EFNA5: variants seen among roughly 807,000 people sequenced by gnomAD.
EFNA5 encodes ephrin-A5.
A neutral mutation model predicts 22.9 loss-of-function variants in EFNA5; 5 were observed. The ratio of observed to expected loss-of-function variants is 0.22; its 90% confidence interval spans 0.11 to 0.46. The LOEUF (loss-of-function observed/expected upper bound fraction) is 0.46, where lower values mean the gene tolerates loss of function less well. Ranked by LOEUF, EFNA5 falls within the 20% of genes least tolerant of loss-of-function variation. The pLI is 0.99. For missense variants in EFNA5, 237 were observed against 293.3 expected, an observed-to-expected ratio of 0.81 and a Z score of 1.40; for synonymous variants, 113 against 112.2, an observed-to-expected ratio of 1.01 and a Z score of -0.04.
rs558642579 is a variant in EFNA5, at chr5:107,598,655, T to C, written c.125+71834A>G. ...ACAGATAAACATACAGGTGGTCTTA[T>C]AAAGGTCAGAATTCAGAATCAGAAT... On this transcript the variant is annotated intron_variant, in intron 1 of 4. Transcript: ENST00000333274. Among the ~76,000 whole-genome samples the C allele has an allele frequency of 6.6e-5, 10 of 152,296 alleles. 1 individual carries two copies. The South Asian group carries it at 1.9e-3, about 28-fold the overall frequency.
At chr5:107,620,477 A>G (rs987458855) in intron 1 of EFNA5, among the ~76,000 whole-genome samples, 5 of 152,222 alleles carry the variant, frequency 3.3e-5, no homozygotes, top group Non-Finnish European at 7.3e-5. Context: ...GTCAGCTAAA[A>G]GAGATGGTTA....
chr5:107,444,459 A>G (rs1749340961), intron 1 of EFNA5, among the ~76,000 whole-genome samples: 1 of 152,230 alleles, frequency 6.6e-6, no homozygotes, highest in Non-Finnish European at 1.5e-5. Context: ...AGTTTGCATA[A>G]GCAAGACAGT....
intron 1 of EFNA5, among the ~76,000 whole-genome samples, chr5:107,526,875 AG>A (rs1250480885): frequency 6.6e-6 from 1 of 152,238 alleles, no homozygotes; most frequent in African/African-American, 2.4e-5. Flanking sequence ...TAAAACCATT[AG>A]AAAAGTCTAC....
At chr5:107,552,858 C>T (rs968158672) in intron 1 of EFNA5, among the ~76,000 whole-genome samples, 2 of 152,114 alleles carry the variant, frequency 1.3e-5, no homozygotes, top group African/African-American at 2.4e-5. Context: ...TTTCTGGGTC[C>T]GGTTCCTGGT....
At chr5:107,442,453 A>G (rs571224715) in intron 1 of EFNA5, among the ~76,000 whole-genome samples, 2 of 152,296 alleles carry the variant, frequency 1.3e-5, no homozygotes, top group African/African-American at 4.8e-5. Flanking sequence ...CCAGCTTTCC[A>G]GTGTAGTTCA....
At chr5:107,619,116 G>A (rs892295114) in intron 1 of EFNA5, among the ~76,000 whole-genome samples, 64 of 151,864 alleles carry the variant, frequency 4.2e-4, no homozygotes, top group African/African-American at 1.4e-3. Context: ...TAGTAGAGAC[G>A]GGGTTTCGCT....
intron 1 of EFNA5, among the ~76,000 whole-genome samples, chr5:107,502,323 C>T (rs1312888790): frequency 3.3e-5 from 5 of 152,196 alleles, no homozygotes; most frequent in South Asian, 2.1e-4. Context: ...GTCTTAGCCA[C>T]GAGCTAACAG....
At chr5:107,471,729 A>C (rs975280770) in intron 1 of EFNA5, among the ~76,000 whole-genome samples, 26 of 152,228 alleles carry the variant, frequency 1.7e-4, no homozygotes, top group African/African-American at 6.3e-4. Context: ...ATGGATTGTG[A>C]TTATTTACAA....
intron 1 of EFNA5, among the ~76,000 whole-genome samples, chr5:107,431,302 T>C (rs1048341579): frequency 6.6e-5 from 10 of 152,222 alleles, no homozygotes; most frequent in Non-Finnish European, 1.2e-4. Context: ...GGATCACATA[T>C]GCTAATCCTA....
At chr5:107,567,520 C>T (rs1032515094) in intron 1 of EFNA5, among the ~76,000 whole-genome samples, 1 of 152,148 alleles carries the variant, frequency 6.6e-6, no homozygotes, top group African/African-American at 2.4e-5. Flanking sequence ...GAGAGAATAC[C>T]ATGACAGACA....
intron 1 of EFNA5, among the ~76,000 whole-genome samples, chr5:107,587,161 A>C (rs940267246): frequency 6.6e-6 from 1 of 152,228 alleles, no homozygotes; most frequent in African/African-American, 2.4e-5. Flanking sequence ...AAACCCACTT[A>C]AATGATTAAC....
intron 1 of EFNA5, among the ~76,000 whole-genome samples, chr5:107,594,863 C>G (rs79742967): frequency 0.017 from 2,527 of 152,294 alleles, 69 homozygotes; most frequent in African/African-American, 0.057. Context: ...AGCATTTAGG[C>G]CTTTCCATTG....
intron 1 of EFNA5, among the ~76,000 whole-genome samples, chr5:107,476,352 C>T (rs1178183568): frequency 6.6e-6 from 1 of 151,728 alleles, no homozygotes; most frequent in East Asian, 1.9e-4. Context: ...TGTGCCCAGT[C>T]AAGAACTATA....
rs1749702947 is a variant in EFNA5, at chr5:107,605,925, T to C, written c.125+64564A>G. On this transcript the variant is annotated intron_variant, in intron 1 of 4. Transcript: ENST00000333274. ...CTGAATAAAATGGTTTTCCAGGGGATGGAGTATCACTCTCATTTTAATAAA... is the reference window on the plus strand; with the variant it reads ...CTGAATAAAATGGTTTTCCAGGGGACGGAGTATCACTCTCATTTTAATAAA... 2.6e-5 allele frequency among the ~76,000 whole-genome samples: 4 copies of C among 152,358 alleles called. No homozygotes were observed. In the South Asian group the frequency reaches 8.3e-4, roughly 32 times the overall value.
At position 107,576,076 on chromosome 5, in the gene EFNA5, C is replaced by T. The variant is rs572064235; in HGVS notation, c.125+94413G>A. Among the ~76,000 whole-genome samples, 28 of 152,228 alleles carry T rather than the reference C, an allele frequency of 1.8e-4. No individual in the cohort carries two copies. In the South Asian group the frequency reaches 5.6e-3, roughly 30 times the overall value. On this transcript the variant is annotated intron_variant, in intron 1 of 4. Transcript: ENST00000333274. ...AAGGATGCCATTAATGATAACTGTC[C>T]AGAACTTGTTTAAGCTAAATGTCTA... is the stretch of plus-strand genomic sequence containing the variant.
At chr5:107,451,617 T>G (rs1303341877) in intron 1 of EFNA5, among the ~76,000 whole-genome samples, 1 of 152,086 alleles carries the variant, frequency 6.6e-6, no homozygotes, top group Non-Finnish European at 1.5e-5. Context: ...AATGAATGAA[T>G]GAATAAGTGA....
chr5:107,541,032 A>G (rs1010790290), intron 1 of EFNA5, among the ~76,000 whole-genome samples: 1 of 152,102 alleles, frequency 6.6e-6, no homozygotes, highest in Non-Finnish European at 1.5e-5. Context: ...ACTGGAACCC[A>G]GGAAGCAGAG....
chr5:107,595,386 C>T (rs895745116), intron 1 of EFNA5, among the ~76,000 whole-genome samples: 3 of 151,972 alleles, frequency 2.0e-5, no homozygotes, highest in Non-Finnish European at 4.4e-5. Context: ...TTGGTATAAA[C>T]CTTTACCAAA....
chr5:107,418,128 G>A (rs189083615), intron 2 of EFNA5, among the ~76,000 whole-genome samples: 1 of 152,322 alleles, frequency 6.6e-6, no homozygotes, highest in Admixed American at 6.5e-5. Context: ...ATGACACTCA[G>A]ACATCATCAC....
Sources: allele counts gnomAD v4.1 joint callset (sites outside exome capture counted in the v4.1 genomes callset), GRCh38; gene constraint gnomAD v4.1.1; transcripts MANE v1.5; gene names NCBI Gene and HGNC (gene_info 2026-07-23, HGNC 2026-07-21).